Variants in RBPMS observed in about 807,000 individuals in gnomAD.
The protein encoded by RBPMS is RNA binding protein, mRNA processing factor, also known as RNA-binding protein with multiple splicing.
In RBPMS, 7 loss-of-function variants were observed where a neutral mutation model predicts 26.8. The ratio of observed to expected loss-of-function variants is 0.26; its 90% CI spans 0.15 to 0.49. RBPMS has a LOEUF of 0.49. Among genes scored for constraint, RBPMS ranks in the 20% least tolerant of loss-of-function variants. The pLI is 0.98. For missense variants in RBPMS, 186 were observed against 250.0 expected (o/e 0.74, Z 1.73); for synonymous variants, 96 against 93.3 (o/e 1.03, Z -0.17).
intron 6 of RBPMS, among the ~76,000 whole-genome samples, chr8:30,552,179 C>T (rs948587186): frequency 2.3e-4 from 35 of 152,032 alleles, no homozygotes; most frequent in African/African-American, 7.7e-4. Flanking sequence ...GAGAGGAGGC[C>T]GTCTGGTTGG....
In RBPMS at chr8:30,529,975, G is replaced by A. The variant is rs537112766; in HGVS notation, c.398-14519G>A. On this transcript the variant is annotated intron_variant, in intron 5 of 8. Coordinates refer to ENST00000397323, the MANE Select transcript of RBPMS (RefSeq NM_001008710.3). ...TCACCGTGTTGCCCAGGTTGATCTC[G>A]AACTCCTGACCTCAGGTAATCCGCC... 3.7e-4 allele frequency among the ~76,000 whole-genome samples: 57 copies of A among 152,134 alleles called. 1 individual carries two copies. The highest frequency in any genetic ancestry group is 2.4e-3 in the Admixed American group (37 of 15,284).
intron 3 of RBPMS, among the ~76,000 whole-genome samples, chr8:30,478,922 T>C (rs1440641230): frequency 6.6e-6 from 1 of 152,198 alleles, no homozygotes; most frequent in Non-Finnish European, 1.5e-5. Flanking sequence ...ACTTACAGTG[T>C]ACCAAAAGGT....
intron 1 of RBPMS, among the ~76,000 whole-genome samples, chr8:30,424,308 A>G (rs749017416): frequency 2.6e-5 from 4 of 152,228 alleles, no homozygotes; most frequent in Non-Finnish European, 5.9e-5. Context: ...AAAATCCACA[A>G]CATAGAGTTG....
chr8:30,481,635 G>A (rs555377061), intron 4 of RBPMS, among the ~76,000 whole-genome samples: 2 of 151,798 alleles, frequency 1.3e-5, no homozygotes, highest in Non-Finnish European at 1.5e-5. Context: ...TTAATAACTT[G>A]GGAAGGACCC....
intron 1 of RBPMS, among the ~76,000 whole-genome samples, chr8:30,464,549 T>C (rs1489073638): frequency 6.6e-6 from 1 of 152,204 alleles, no homozygotes; most frequent in East Asian, 1.9e-4. Context: ...CTACTGCTAA[T>C]ATCAAAAGCA....
chr8:30,549,523 G>C, intron 6 of RBPMS: 8 of 1,614,128 alleles, frequency 5.0e-6, no homozygotes, highest in Non-Finnish European at 6.8e-6. Flanking sequence ...AGACTGTGAG[G>C]AGAAGCCACC....
chr8:30,556,685 GC>G, intron 6 of RBPMS: 1 of 986,042 alleles, frequency 1.0e-6, no homozygotes, highest in African/African-American at 1.7e-5. Flanking sequence ...TGCCATGGGG[GC>G]TCTGTGTCCC....
intron 5 of RBPMS, among the ~76,000 whole-genome samples, chr8:30,524,377 G>T (rs188954365): frequency 1.3e-3 from 201 of 152,278 alleles, no homozygotes; most frequent in African/African-American, 4.4e-3. Flanking sequence ...CAACAGCCAT[G>T]TACCAGAATA....
At chr8:30,494,251 A>G (rs867801690) in intron 4 of RBPMS, among the ~76,000 whole-genome samples, 2 of 152,212 alleles carry the variant, frequency 1.3e-5, no homozygotes, top group East Asian at 1.9e-4. Flanking sequence ...CTTTCTCCCA[A>G]TTGGGGCAGT....
intron 5 of RBPMS, among the ~76,000 whole-genome samples, chr8:30,536,620 TTTTG>T (rs1275400716): frequency 3.7e-4 from 57 of 152,182 alleles, no homozygotes; most frequent in African/African-American, 1.2e-3. Flanking sequence ...AAAACACTGT[TTTTG>T]TTTGTTTATA....
chr8:30,407,816 TAATA>T (rs1402381967), intron 1 of RBPMS, among the ~76,000 whole-genome samples: 4 of 108,892 alleles, frequency 3.7e-5, no homozygotes, highest in African/African-American at 1.1e-4. Flanking sequence ...GGGTCACAGC[TAATA>T]AATAACAGCC....
intron 7 of RBPMS, among the ~76,000 whole-genome samples, chr8:30,561,654 TGGAGAGC>T: frequency 6.6e-6 from 1 of 151,392 alleles, no homozygotes; most frequent in East Asian, 1.9e-4. Context: ...CCCCAGAGAG[TGGAGAGC>T]GGGCTGGAGA....
At chr8:30,490,317 C>A (rs1422713104) in intron 4 of RBPMS, among the ~76,000 whole-genome samples, 6 of 152,146 alleles carry the variant, frequency 3.9e-5, no homozygotes, top group Non-Finnish European at 8.8e-5. Flanking sequence ...TCCTCATCTC[C>A]CTTTTATTTT....
intron 5 of RBPMS, among the ~76,000 whole-genome samples, chr8:30,505,341 A>T (rs1429838455): frequency 6.6e-6 from 1 of 152,154 alleles, no homozygotes; most frequent in East Asian, 1.9e-4. Flanking sequence ...TCGATAGTAC[A>T]TTTTAACTCT....
At chr8:30,458,794 C>T (rs1182288907) in intron 1 of RBPMS, among the ~76,000 whole-genome samples, 1 of 152,144 alleles carries the variant, frequency 6.6e-6, no homozygotes, top group East Asian at 1.9e-4. Flanking sequence ...TCACTGCAGC[C>T]TCAACCTCCT....
intron 6 of RBPMS, chr8:30,549,393 C>A: frequency 3.3e-6 from 3 of 904,506 alleles, no homozygotes; most frequent in Non-Finnish European, 5.5e-6. Context: ...CTTTGAAGGA[C>A]TGCAGAGCTT....
intron 1 of RBPMS, among the ~76,000 whole-genome samples, chr8:30,452,362 C>T (rs1027832073): frequency 6.6e-6 from 1 of 152,070 alleles, no homozygotes; most frequent in Admixed American, 6.6e-5. Flanking sequence ...GCATCCAAAC[C>T]ATAATAAGCA....
intron 8 of RBPMS, among the ~76,000 whole-genome samples, chr8:30,568,511 A>G (rs567078875): frequency 6.6e-6 from 1 of 152,326 alleles, no homozygotes; most frequent in East Asian, 1.9e-4. Context: ...AATATTCCTT[A>G]AGAGACCAAG....
At chr8:30,534,065 C>T (rs1304842103) in intron 5 of RBPMS, among the ~76,000 whole-genome samples, 20 of 151,214 alleles carry the variant, frequency 1.3e-4, no homozygotes, top group African/African-American at 4.4e-4. Context: ...ACCTGGGAGG[C>T]GGAGGTTGCA....
Sources: allele counts gnomAD v4.1 joint callset (sites outside exome capture counted in the v4.1 genomes callset), GRCh38; gene constraint gnomAD v4.1.1; transcripts MANE v1.5; gene names NCBI Gene and HGNC (gene_info 2026-07-23, HGNC 2026-07-21).